CELF2: variants seen among roughly 807,000 people sequenced by gnomAD.
CELF2 encodes CUG triplet repeat RNA-binding protein 2.
CELF2 carries 8 observed loss-of-function variants against 62.6 expected under a neutral mutation model. The ratio of observed to expected loss-of-function variants is 0.13; its 90% CI spans 0.07 to 0.23. The LOEUF (loss-of-function observed/expected upper bound fraction) is 0.23, where lower values mean the gene tolerates loss of function less well. Among genes scored for constraint, CELF2 ranks in the 10% least tolerant of loss-of-function variants. CELF2 has a pLI of 1.00. For synonymous variants in CELF2, 258 were observed against 250.0 expected, an observed-to-expected ratio of 1.03 and a Z score of -0.30; for missense variants, 333 against 671.0, an observed-to-expected ratio of 0.50 and a Z score of 5.56.
the CELF2 span, among the ~76,000 whole-genome samples, chr10:10,735,878 G>A: frequency 6.6e-6 from 1 of 152,136 alleles, no homozygotes; most frequent in Non-Finnish European, 1.5e-5. Flanking sequence ...CATTCTGAAT[G>A]TGAGCACCAT....
Position 11,290,540 on chromosome 10 carries a change from A to T in CELF2, c.976+1988A>T, listed in dbSNP as rs1337635625. ...GACTCCGTCTAAAAAAAAAAAAAAAATGTGGGCCACTCAGACGGTCTAGGG... is the reference window on the plus strand; with the variant it reads ...GACTCCGTCTAAAAAAAAAAAAAAATTGTGGGCCACTCAGACGGTCTAGGG... On this transcript the variant is annotated intron_variant, in intron 9 of 12. Transcript: ENST00000633077. The surrounding 1 kb of genome is among the most constrained non-coding windows in gnomAD (Gnocchi z 4.3). 1.3e-5 allele frequency among the ~76,000 whole-genome samples: 2 copies of T among 148,552 alleles called. No homozygotes were observed. Among genetic ancestry groups the T allele is most frequent in the African/African-American group, 2.5e-5 (1 of 40,236 alleles).
At chr10:10,670,054 C>T in the CELF2 span, among the ~76,000 whole-genome samples, 1 of 152,064 alleles carries the variant, frequency 6.6e-6, no homozygotes, top group African/African-American at 2.4e-5. Context: ...AGGCAAGCGC[C>T]ACCATGCCTG....
chr10:11,086,072 C>A (rs1205237523), intron 1 of CELF2, among the ~76,000 whole-genome samples: 2 of 152,140 alleles, frequency 1.3e-5, no homozygotes, highest in Non-Finnish European at 2.9e-5. Flanking sequence ...AATTTGCAAT[C>A]AAAATATATT....
At chr10:10,845,971 A>T (rs192405631) in intron 1 of CELF2, 1 of 211,366 alleles carries the variant, frequency 4.7e-6, no homozygotes, top group Admixed American at 6.5e-5. Context: ...TATTAATTCA[A>T]TATGGTACAT....
At chr10:10,569,697 G>C in the CELF2 span, among the ~76,000 whole-genome samples, 1 of 152,202 alleles carries the variant, frequency 6.6e-6, no homozygotes, top group African/African-American at 2.4e-5. Flanking sequence ...ATCATTGGGA[G>C]GATTGAAGAA....
chr10:10,664,444 C>G, the CELF2 span, among the ~76,000 whole-genome samples: 2 of 152,204 alleles, frequency 1.3e-5, no homozygotes, highest in South Asian at 4.2e-4. Context: ...AGAAAAATGC[C>G]CTCCTAGACA....
intron 4 of CELF2, among the ~76,000 whole-genome samples, chr10:11,252,639 C>T (rs531870059): frequency 1.1e-4 from 16 of 152,302 alleles, no homozygotes; most frequent in Non-Finnish European, 1.8e-4. Context: ...GCAGACTTCC[C>T]GAGTCTCCAT....
chr10:11,016,989 CTG>C (rs1375062762), upstream of CELF2, among the ~76,000 whole-genome samples: 2 of 152,230 alleles, frequency 1.3e-5, no homozygotes, highest in African/African-American at 4.8e-5. The surrounding 1 kb of genome is among the most constrained non-coding windows in gnomAD (Gnocchi z 5.2). Context: ...TGTGACTACA[CTG>C]TGAAAAGTTT....
At chr10:10,483,168 C>G in the CELF2 span, among the ~76,000 whole-genome samples, 3 of 138,272 alleles carry the variant, frequency 2.2e-5, no homozygotes, top group Non-Finnish European at 3.0e-5. Context: ...CAGGTACAAT[C>G]TAAACAAATG....
chr10:11,176,362 C>A (rs1044503452), intron 2 of CELF2, among the ~76,000 whole-genome samples: 1 of 152,174 alleles, frequency 6.6e-6, no homozygotes, highest in Non-Finnish European at 1.5e-5. Context: ...TCCTCGTACC[C>A]TTTTCCTTGT....
rs2080182480 is a variant in CELF2 at position 11,260,509 on chromosome 10, A to C, written c.538+2637A>C. On this transcript the variant is annotated intron_variant, in intron 5 of 12. Transcript: ENST00000633077. This position sits in a 1 kb window ranked among gnomAD's most constrained non-coding sequence, Gnocchi z 4.2. ...TTAACAAGAGAACTTAGCTAATTTG[A>C]TCTGCCATTTGGTTGATTAACCAGC... 6.6e-6 allele frequency among the ~76,000 whole-genome samples: 1 copy of C among 152,226 alleles called. No individual in the cohort carries two copies. Among genetic ancestry groups the C allele is most frequent in the Non-Finnish European group, 1.5e-5 (1 of 68,048 alleles).
At chr10:11,037,575 G>A (rs548530751) in intron 1 of CELF2, among the ~76,000 whole-genome samples, 7 of 152,232 alleles carry the variant, frequency 4.6e-5, no homozygotes, top group East Asian at 3.9e-4. Flanking sequence ...TGATGGGCAC[G>A]TGCTGAATGC....
chr10:11,078,255 G>T (rs905571699), intron 1 of CELF2, among the ~76,000 whole-genome samples: 4 of 152,082 alleles, frequency 2.6e-5, no homozygotes, highest in South Asian at 2.1e-4. Flanking sequence ...GAAGTGGTGG[G>T]GGGCGGAATG....
intron 9 of CELF2, among the ~76,000 whole-genome samples, chr10:11,294,097 T>C (rs1211411389): frequency 1.3e-5 from 2 of 152,204 alleles, no homozygotes; most frequent in Non-Finnish European, 2.9e-5. Context: ...GAAGCAGTCT[T>C]TTTATTACAG....
In CELF2 at chr10:10,938,618, T is replaced by C. The variant is rs1488892001; in HGVS notation, c.89+18619T>C. Among the ~76,000 whole-genome samples, 1 of 152,244 alleles carries C rather than the reference T, an allele frequency of 6.6e-6. No individual in the cohort carries two copies. Among genetic ancestry groups the C allele is most frequent in the African/African-American group, 2.4e-5 (1 of 41,454 alleles). ...GGAAAACAGGAGTTGTATGACAATT[T>C]GGAGGTCCTTTTCTTTGTCTCCCAA... On this transcript the variant is annotated intron_variant, in intron 2 of 13. Coordinates refer to the CELF2 transcript ENST00000636488. The surrounding 1 kb of genome is among the most constrained non-coding windows in gnomAD (Gnocchi z 4.2).
chr10:10,696,193 C>T, the CELF2 span, among the ~76,000 whole-genome samples: 60 of 152,008 alleles, frequency 3.9e-4, no homozygotes, highest in South Asian at 1.0e-3. Flanking sequence ...TGTGGATGTC[C>T]TTTCTGTTTG....
At chr10:10,756,858 C>T in the CELF2 span, among the ~76,000 whole-genome samples, 92 of 152,170 alleles carry the variant, frequency 6.0e-4, 1 homozygote, top group Non-Finnish European at 1.0e-3. Context: ...AAAATAACTA[C>T]GGGGACTGGG....
the CELF2 span, among the ~76,000 whole-genome samples, chr10:10,736,388 C>T: frequency 3.8e-5 from 3 of 79,944 alleles, no homozygotes; most frequent in Non-Finnish European, 5.5e-5. Context: ...TTCTTTCTTT[C>T]TTTCTTTCTT....
the CELF2 span, among the ~76,000 whole-genome samples, chr10:10,583,092 G>A: frequency 6.6e-6 from 1 of 152,156 alleles, no homozygotes; most frequent in African/African-American, 2.4e-5. Flanking sequence ...AGACATAGGG[G>A]ATAATGAAAG....
Sources: gnomAD v4.1 joint callset for allele counts (sites outside exome capture counted in the v4.1 genomes callset) on GRCh38, gnomAD v4.1.1 for gene constraint, Gnocchi (gnomAD v3.1) non-coding constraint, MANE v1.5 for transcripts, NCBI Gene and HGNC (gene_info 2026-07-23, HGNC 2026-07-21) for gene names.